SGCG: variants seen among roughly 807,000 people sequenced by gnomAD.
The protein encoded by SGCG is sarcoglycan gamma.
A neutral mutation model predicts 29.3 loss-of-function variants in SGCG; 26 were observed. The observed-to-expected ratio is 0.89, with a 90% CI of 0.65 to 1.23. SGCG has a LOEUF of 1.23. SGCG is among the 50% of genes most tolerant of loss of function. The pLI is 0.00. For synonymous variants in SGCG, 145 were observed against 129.7 expected (o/e 1.12, Z -0.80); for missense variants, 353 against 356.0 (o/e 0.99, Z 0.07).
intron 5 of SGCG, among the ~76,000 whole-genome samples, chr13:23,291,631 A>G (rs922018286): frequency 6.6e-6 from 1 of 152,190 alleles, no homozygotes; most frequent in African/African-American, 2.4e-5. Flanking sequence ...GATAATACAT[A>G]TCAGTTTATA....
At chr13:23,227,828 C>T (rs978009428) in intron 2 of SGCG, among the ~76,000 whole-genome samples, 3 of 152,074 alleles carry the variant, frequency 2.0e-5, no homozygotes, top group Non-Finnish European at 2.9e-5. Context: ...TATTATTATT[C>T]GAGACAAGGT....
At chr13:23,173,224 C>T in the SGCG span, among the ~76,000 whole-genome samples, 1 of 152,170 alleles carries the variant, frequency 6.6e-6, no homozygotes, top group Non-Finnish European at 1.5e-5. Flanking sequence ...GGGAAGACTG[C>T]ATCTTAAACT....
intron 1 of SGCG, among the ~76,000 whole-genome samples, 173 bp from the exon 2 acceptor site, chr13:23,203,522 C>G (rs955876014): frequency 3.3e-5 from 5 of 152,100 alleles, no homozygotes; most frequent in African/African-American, 1.2e-4. Flanking sequence ...AACACAGTGA[C>G]ATGTTTCAAA....
chr13:23,307,705 A>G (rs560711042), intron 6 of SGCG, among the ~76,000 whole-genome samples: 1 of 152,312 alleles, frequency 6.6e-6, no homozygotes, highest in East Asian at 1.9e-4. Flanking sequence ...ATTAATATCA[A>G]TGTATCAAAT....
intron 6 of SGCG, among the ~76,000 whole-genome samples, chr13:23,316,378 C>T (rs1333155679): frequency 6.6e-6 from 1 of 152,230 alleles, no homozygotes; most frequent in Admixed American, 6.5e-5. Context: ...CTGATCAAGG[C>T]ACTCCCTTTA....
intron 4 of SGCG, among the ~76,000 whole-genome samples, chr13:23,256,357 GAAAA>G (rs1170686814): frequency 6.6e-6 from 1 of 152,022 alleles, no homozygotes; most frequent in Non-Finnish European, 1.5e-5. Context: ...GGAAATACAA[GAAAA>G]AAGTGAAAAC....
chr13:23,316,598 G>A (rs35196335), intron 6 of SGCG, among the ~76,000 whole-genome samples: 11,974 of 152,130 alleles, frequency 0.079, 691 homozygotes, highest in Non-Finnish European at 0.12. Context: ...TCCAATATGT[G>A]GTACTGTTTC....
chr13:23,233,386 G>A (rs967875942), intron 2 of SGCG, among the ~76,000 whole-genome samples: 6 of 152,116 alleles, frequency 3.9e-5, no homozygotes, highest in African/African-American at 9.6e-5. Context: ...AGACAGAAAC[G>A]CTATAAGATT....
intron 2 of SGCG, among the ~76,000 whole-genome samples, chr13:23,207,491 C>A (rs902322319): frequency 4.6e-5 from 7 of 152,138 alleles, no homozygotes; most frequent in African/African-American, 9.7e-5. Flanking sequence ...AAAAGCCTCT[C>A]TGCAGCAAAG....
intron 3 of SGCG, among the ~76,000 whole-genome samples, chr13:23,249,911 A>G (rs927205828): frequency 6.6e-6 from 1 of 152,178 alleles, no homozygotes; most frequent in Non-Finnish European, 1.5e-5. Context: ...GCAGTGGGGA[A>G]AAAAGTAAAA....
chr13:23,281,568 GCT>G (rs1204645321), intron 5 of SGCG, among the ~76,000 whole-genome samples: 1 of 152,116 alleles, frequency 6.6e-6, no homozygotes, highest in Admixed American at 6.5e-5. Flanking sequence ...ACATGTTGAC[GCT>G]CTCTGTAGAA....
At chr13:23,285,208 C>G (rs1881451148) in intron 5 of SGCG, among the ~76,000 whole-genome samples, 2 of 152,340 alleles carry the variant, frequency 1.3e-5, no homozygotes, top group South Asian at 4.1e-4. Context: ...GCTGCACCCA[C>G]AGCCGCCCCT....
rs555859355 is a variant in SGCG, at chr13:23,279,312, C to T, written c.386-47C>T. On this transcript the variant is annotated intron_variant, in intron 4 of 7. Coordinates refer to ENST00000218867, the MANE Select transcript of SGCG (RefSeq NM_000231.3). The stretch of plus-strand genomic sequence containing the variant: ...GCATGTGTAAAAATAGAGATTTGGA[C>T]ACTGCTTGTAGTGAACAGTTTATAA... 2.5e-6 allele frequency: 4 copies of T among 1,587,732 alleles called. No individual in the cohort carries two copies. In the African/African-American group the frequency reaches 4.0e-5, roughly 16 times the overall value.
At chr13:23,234,797 G>C (rs1879247956) in intron 3 of SGCG, 85 bp downstream of exon 3, 5 of 932,820 alleles carry the variant, frequency 5.4e-6, no homozygotes, top group Non-Finnish European at 7.1e-6. Flanking sequence ...GTTTAGAGAA[G>C]ATTTTTAAAG....
chr13:23,267,317 T>A (rs1880676608), intron 4 of SGCG, among the ~76,000 whole-genome samples: 1 of 152,270 alleles, frequency 6.6e-6, no homozygotes, highest in Non-Finnish European at 1.5e-5. Flanking sequence ...CTGAGGAGTG[T>A]CTACAGGAGC....
intron 6 of SGCG, among the ~76,000 whole-genome samples, chr13:23,298,817 C>A (rs887513175): frequency 1.3e-5 from 2 of 152,168 alleles, no homozygotes; most frequent in African/African-American, 4.8e-5. Flanking sequence ...ACTGTATATA[C>A]GGCAGGCTCT....
chr13:23,242,831 T>G (rs966323181), intron 3 of SGCG, among the ~76,000 whole-genome samples: 1 of 152,096 alleles, frequency 6.6e-6, no homozygotes, highest in African/African-American at 2.4e-5. Context: ...ACATAGTATA[T>G]TTATATTTTA....
At chr13:23,263,337 T>G (rs1397956859) in intron 4 of SGCG, among the ~76,000 whole-genome samples, 4 of 152,002 alleles carry the variant, frequency 2.6e-5, no homozygotes. Context: ...TCATTTGAGT[T>G]TCCTGTAGAC....
intron 5 of SGCG, among the ~76,000 whole-genome samples, chr13:23,284,061 G>C (rs1039564563): frequency 2.6e-5 from 4 of 152,064 alleles, no homozygotes; most frequent in African/African-American, 9.7e-5. Context: ...TTCAACCTTG[G>C]TGAATCTGAC....
Sources: allele counts gnomAD v4.1 joint callset (sites outside exome capture counted in the v4.1 genomes callset), GRCh38; gene constraint gnomAD v4.1.1; transcripts MANE v1.5; gene names NCBI Gene and HGNC (gene_info 2026-07-23, HGNC 2026-07-21).